Variants in SLC35F3 observed in about 807,000 individuals in gnomAD.
SLC35F3 encodes the protein putative thiamine transporter SLC35F3.
In SLC35F3, 25 loss-of-function variants were observed where a neutral mutation model predicts 49.9. The ratio of observed to expected loss-of-function variants is 0.50; its 90% CI spans 0.37 to 0.70. The LOEUF (loss-of-function observed/expected upper bound fraction) is 0.70. Ranked by LOEUF, SLC35F3 falls within the 30% of genes least tolerant of loss-of-function variation. The pLI, the probability that SLC35F3 is intolerant of heterozygous loss-of-function variation, is 0.00. For missense variants in SLC35F3, 525 were observed against 639.8 expected (o/e 0.82, Z 1.94); for synonymous variants, 275 against 265.4 (o/e 1.04, Z -0.35).
chr1:234,260,256 C>T (rs1039121076), intron 3 of SLC35F3, among the ~76,000 whole-genome samples: 3 of 152,196 alleles, frequency 2.0e-5, no homozygotes, highest in Non-Finnish European at 4.4e-5. Context: ...TCCCAAGGCT[C>T]AGCCTCTAGA....
At chr1:234,061,847 G>C (rs1005611304) in intron 2 of SLC35F3, among the ~76,000 whole-genome samples, 1 of 152,040 alleles carries the variant, frequency 6.6e-6, no homozygotes. Context: ...TACTCTATTA[G>C]GTGCAACATT....
chr1:234,216,139 C>T (rs908674229), intron 2 of SLC35F3, among the ~76,000 whole-genome samples: 1 of 152,144 alleles, frequency 6.6e-6, no homozygotes, highest in African/African-American at 2.4e-5. Context: ...CCAGACATTG[C>T]CCACATGCAT....
intron 2 of SLC35F3, among the ~76,000 whole-genome samples, chr1:233,990,413 C>A (rs6665984): frequency 0.24 from 36,361 of 152,058 alleles, 4,772 homozygotes; most frequent in East Asian, 0.49. Flanking sequence ...AAATTCACAT[C>A]CAATTTTCTA....
chr1:234,209,375 C>T (rs1033524277), intron 2 of SLC35F3, among the ~76,000 whole-genome samples: 10 of 151,958 alleles, frequency 6.6e-5, no homozygotes, highest in Middle Eastern at 3.4e-3. Context: ...AAAAAAAAAG[C>T]TCCAGTGAAG....
chr1:234,286,902 G>C (rs1230461007), intron 3 of SLC35F3, among the ~76,000 whole-genome samples: 1 of 152,234 alleles, frequency 6.6e-6, no homozygotes, highest in Non-Finnish European at 1.5e-5. Context: ...GGGCACAGTT[G>C]CTTATGCCTG....
intron 2 of SLC35F3, among the ~76,000 whole-genome samples, chr1:234,136,629 A>G (rs572696954): frequency 6.6e-6 from 1 of 152,386 alleles, no homozygotes; most frequent in East Asian, 1.9e-4. Context: ...TTTTCTCAGC[A>G]CATAGGCAAC....
At chr1:234,195,576 G>T (rs1666795875) in intron 2 of SLC35F3, among the ~76,000 whole-genome samples, 1 of 152,060 alleles carries the variant, frequency 6.6e-6, no homozygotes. Context: ...CTCTTTAAAA[G>T]ATTAGCTTAT....
At chr1:234,264,816 T>A (rs1353281444) in intron 3 of SLC35F3, among the ~76,000 whole-genome samples, 1 of 152,176 alleles carries the variant, frequency 6.6e-6, no homozygotes, top group Non-Finnish European at 1.5e-5. Context: ...GCCTCCTGAG[T>A]AGCCAGGACT....
intron 2 of SLC35F3, among the ~76,000 whole-genome samples, chr1:233,943,216 C>T (rs1345569224): frequency 1.3e-5 from 2 of 152,138 alleles, no homozygotes; most frequent in African/African-American, 2.4e-5. Flanking sequence ...AGGTGATTTA[C>T]CTTATTTGGC....
intron 2 of SLC35F3, among the ~76,000 whole-genome samples, chr1:234,132,245 T>C (rs979853538): frequency 7.2e-5 from 11 of 152,214 alleles, no homozygotes; most frequent in African/African-American, 2.7e-4. Flanking sequence ...TATAACATCC[T>C]GCTTCAACAT....
chr1:234,088,746 A>G (rs1434455223), intron 2 of SLC35F3, among the ~76,000 whole-genome samples: 1 of 152,136 alleles, frequency 6.6e-6, no homozygotes, highest in Non-Finnish European at 1.5e-5. Flanking sequence ...GGAATGTTAC[A>G]GAACACAGAA....
chr1:234,292,643 G>T (rs539538961), intron 3 of SLC35F3, among the ~76,000 whole-genome samples: 5 of 152,202 alleles, frequency 3.3e-5, no homozygotes, highest in African/African-American at 7.2e-5. Flanking sequence ...GTCTTGGAAT[G>T]GGAAAGGGCC....
chr1:234,059,775 C>T (rs1477066347), intron 2 of SLC35F3, among the ~76,000 whole-genome samples: 1 of 152,182 alleles, frequency 6.6e-6, no homozygotes, highest in East Asian at 1.9e-4. Flanking sequence ...GACAGCCAGT[C>T]CGAGTCCCAA....
At chr1:234,158,580 C>T (rs1347074353) in intron 2 of SLC35F3, among the ~76,000 whole-genome samples, 1 of 152,142 alleles carries the variant, frequency 6.6e-6, no homozygotes, top group Non-Finnish European at 1.5e-5. Context: ...ACTATAATCT[C>T]CTATCATTGG....
chr1:234,170,497 G>T (rs527570936), intron 2 of SLC35F3, among the ~76,000 whole-genome samples: 1 of 151,878 alleles, frequency 6.6e-6, no homozygotes, highest in Non-Finnish European at 1.5e-5. Context: ...TCACCTGCTG[G>T]CAGGCAGACC....
Position 234,207,190 on chromosome 1 carries a change from C to CA in SLC35F3, c.284-24220dup, listed in dbSNP as rs533785556. Among the ~76,000 whole-genome samples the CA allele has an allele frequency of 1.3e-3, 194 of 151,406 alleles. 1 individual carries two copies. Among genetic ancestry groups the CA allele is most frequent in the Middle Eastern group, 3.4e-3 (1 of 294 alleles). Reference sequence around the variant, plus strand: ...ACCTTGAGTCCAGTGCCCTGGTCTCCAAAAAAAGCTTCCTCTGAGATCAAG... The same window carrying CA: ...ACCTTGAGTCCAGTGCCCTGGTCTCCAAAAAAAAGCTTCCTCTGAGATCAAG... On this transcript the variant is annotated intron_variant, in intron 2 of 7. Transcript: ENST00000366618.
At chr1:234,199,150 C>T (rs1402644441) in intron 2 of SLC35F3, among the ~76,000 whole-genome samples, 1 of 151,964 alleles carries the variant, frequency 6.6e-6, no homozygotes, top group African/African-American at 2.4e-5. Context: ...ATTGCTTAAG[C>T]TCGGGTGTTT....
At chr1:234,291,163 G>A (rs537597292) in intron 3 of SLC35F3, among the ~76,000 whole-genome samples, 22 of 152,136 alleles carry the variant, frequency 1.4e-4, no homozygotes, top group Admixed American at 5.9e-4. Flanking sequence ...ACTGACTGAC[G>A]CTAATCACTG....
chr1:234,098,493 G>A (rs1003645885), intron 2 of SLC35F3, among the ~76,000 whole-genome samples: 5 of 150,408 alleles, frequency 3.3e-5, no homozygotes, highest in Admixed American at 2.0e-4. Flanking sequence ...ACTGTTGGTG[G>A]TGGCAGTTCG....
Sources: allele counts gnomAD v4.1 joint callset (sites outside exome capture counted in the v4.1 genomes callset), GRCh38; gene constraint gnomAD v4.1.1; transcripts MANE v1.5; gene names NCBI Gene and HGNC (gene_info 2026-07-23, HGNC 2026-07-21).